Variants in CDH18 observed in about 807,000 individuals in gnomAD.
CDH18 encodes the protein cadherin-18.
Under a neutral mutation model 67.9 loss-of-function variants are expected in CDH18, and 31 were observed. The observed-to-expected ratio is 0.46, with a 90% CI of 0.34 to 0.62. The LOEUF (loss-of-function observed/expected upper bound fraction) is 0.62. Among genes scored for constraint, CDH18 ranks in the 20% least tolerant of loss-of-function variants. The pLI is 0.01. For missense variants in CDH18, 890 were observed against 975.5 expected, an observed-to-expected ratio of 0.91 and a Z score of 1.17; for synonymous variants, 362 against 347.2, an observed-to-expected ratio of 1.04 and a Z score of -0.48.
intron 1 of CDH18, among the ~76,000 whole-genome samples, chr5:20,376,894 G>A (rs1185472205): frequency 6.6e-6 from 1 of 152,040 alleles, no homozygotes; most frequent in East Asian, 1.9e-4. Flanking sequence ...GCAGGTGGCT[G>A]TAGTCCCAGC....
intron 2 of CDH18, among the ~76,000 whole-genome samples, chr5:20,163,923 T>C (rs572031031): frequency 6.6e-6 from 1 of 152,310 alleles, no homozygotes; most frequent in South Asian, 2.1e-4. Context: ...TATTTATACA[T>C]ATGTATTGCA....
chr5:20,052,437 T>C (rs574773841), intron 2 of CDH18, among the ~76,000 whole-genome samples: 2 of 152,220 alleles, frequency 1.3e-5, no homozygotes, highest in Admixed American at 1.3e-4. Flanking sequence ...GTGCAACCGA[T>C]AGTCTTTGTT....
intron 5 of CDH18, among the ~76,000 whole-genome samples, chr5:19,633,895 G>A (rs1752749408): frequency 6.6e-6 from 1 of 152,182 alleles, no homozygotes; most frequent in Non-Finnish European, 1.5e-5. Flanking sequence ...GTCTTCCAAA[G>A]TGCTAGGATT....
chr5:19,921,455 C>T (rs1480489432), intron 2 of CDH18, among the ~76,000 whole-genome samples: 6 of 149,576 alleles, frequency 4.0e-5, no homozygotes, highest in African/African-American at 1.2e-4. Flanking sequence ...GGTGTGAACC[C>T]GGGAGGCAGA....
intron 1 of CDH18, among the ~76,000 whole-genome samples, chr5:20,504,715 AAAAT>A (rs953021639): frequency 4.6e-5 from 7 of 152,214 alleles, no homozygotes; most frequent in African/African-American, 1.7e-4. Flanking sequence ...AACTTAATAA[AAAAT>A]AAAGTCTTTT....
At chr5:20,012,389 A>AAC (rs1737524959) in intron 2 of CDH18, among the ~76,000 whole-genome samples, 1 of 151,302 alleles carries the variant, frequency 6.6e-6, no homozygotes, top group Admixed American at 6.6e-5. Context: ...AAAAAAAAAA[A>AAC]AACACCAGCT....
intron 2 of CDH18, among the ~76,000 whole-genome samples, chr5:20,172,915 G>T (rs1580402243): frequency 6.6e-6 from 1 of 151,526 alleles, no homozygotes; most frequent in Admixed American, 6.6e-5. Context: ...GTTTGAACCC[G>T]AGAGGCGGAG....
chr5:20,095,912 T>A (rs1745952218), intron 2 of CDH18, among the ~76,000 whole-genome samples: 1 of 151,722 alleles, frequency 6.6e-6, no homozygotes, highest in Non-Finnish European at 1.5e-5. Context: ...GCAGATTGGA[T>A]GTAGCAGAAG....
At chr5:19,519,733 G>A (rs1359526302) in intron 10 of CDH18, among the ~76,000 whole-genome samples, 1 of 152,106 alleles carries the variant, frequency 6.6e-6, no homozygotes, top group African/African-American at 2.4e-5. Flanking sequence ...TATTGGGGAG[G>A]TCCAAATGGC....
intron 10 of CDH18, among the ~76,000 whole-genome samples, chr5:19,515,776 T>C (rs1745887437): frequency 6.6e-6 from 1 of 152,196 alleles, no homozygotes; most frequent in Non-Finnish European, 1.5e-5. Context: ...TTTCTAAATA[T>C]ACAATCATGT....
rs181202815 is a variant in CDH18 at position 19,765,581 on chromosome 5, T to G, written c.229-18345A>C. On this transcript the variant is annotated intron_variant, in intron 3 of 12. Coordinates refer to ENST00000382275, the MANE Select transcript of CDH18 (RefSeq NM_004934.5). ...ATAATTTTATAAAGAGGGAGAAATT[T>G]AAAAACACAATGAAGCTAATTCAAT... Among the ~76,000 whole-genome samples, 126 of 152,210 alleles carry G rather than the reference T, an allele frequency of 8.3e-4. 1 individual carries two copies. The highest frequency in any genetic ancestry group is 2.5e-3 in the African/African-American group (103 of 41,542).
intron 2 of CDH18, among the ~76,000 whole-genome samples, chr5:19,957,441 G>A (rs1796359265): frequency 6.6e-6 from 1 of 151,652 alleles, no homozygotes; most frequent in African/African-American, 2.4e-5. Context: ...GTGTGTATAT[G>A]TGTTAGGTAC....
Position 20,131,759 on chromosome 5 carries a change from A to G in CDH18, c.-518+123685T>C, listed in dbSNP as rs545656821. Among the ~76,000 whole-genome samples, 246 of 152,296 alleles carry G rather than the reference A, an allele frequency of 1.6e-3. 2 individuals are homozygous for G. Among genetic ancestry groups the G allele is most frequent in the African/African-American group, 5.8e-3 (239 of 41,564 alleles). ...CAACAATTAATGGTTGTATAACTAC[A>G]CCACTTTAAGGACATATTTTGTCAA... On this transcript the variant is annotated intron_variant, in intron 2 of 14. Coordinates refer to the CDH18 transcript ENST00000507958.
chr5:19,969,266 C>T (rs1449270499), intron 2 of CDH18, among the ~76,000 whole-genome samples: 1 of 139,538 alleles, frequency 7.2e-6, no homozygotes, highest in Non-Finnish European at 1.5e-5. Context: ...CGAGTTCAAC[C>T]ATTGTGGAAG....
intron 1 of CDH18, among the ~76,000 whole-genome samples, chr5:20,410,447 A>T (rs1180132818): frequency 1.3e-5 from 2 of 151,820 alleles, no homozygotes; most frequent in African/African-American, 4.8e-5. Flanking sequence ...TCATGATAAA[A>T]ACTATCAAAA....
At chr5:20,251,657 A>C (rs554472985) in intron 2 of CDH18, among the ~76,000 whole-genome samples, 12 of 152,272 alleles carry the variant, frequency 7.9e-5, no homozygotes, top group African/African-American at 2.2e-4. Flanking sequence ...ATGAGGCAGG[A>C]GGGAGCTACA....
chr5:20,202,496 A>G (rs975401197), intron 2 of CDH18, among the ~76,000 whole-genome samples: 4 of 152,028 alleles, frequency 2.6e-5, no homozygotes, highest in African/African-American at 9.7e-5. Flanking sequence ...TTTATTAAAA[A>G]TCAGTTTTTT....
At chr5:20,173,162 T>C (rs1272732523) in intron 2 of CDH18, among the ~76,000 whole-genome samples, 1 of 152,164 alleles carries the variant, frequency 6.6e-6, no homozygotes, top group Non-Finnish European at 1.5e-5. Context: ...CCCCCATGGC[T>C]GCTGCCCTCA....
At chr5:19,771,002 C>T (rs1262095955) in intron 3 of CDH18, among the ~76,000 whole-genome samples, 2 of 152,098 alleles carry the variant, frequency 1.3e-5, no homozygotes, top group African/African-American at 2.4e-5. Context: ...ACATCAACAC[C>T]TGGGCTTGAA....
Sources: gnomAD v4.1 joint callset for allele counts (sites outside exome capture counted in the v4.1 genomes callset) on GRCh38, gnomAD v4.1.1 for gene constraint, MANE v1.5 for transcripts, NCBI Gene and HGNC (gene_info 2026-07-23, HGNC 2026-07-21) for gene names.